The following GALNTL6 variants were observed in gnomAD, a reference collection of about 807,000 sequenced individuals.
GALNTL6 encodes the protein polypeptide N-acetylgalactosaminyltransferase-like 6.
In GALNTL6, 46 loss-of-function variants were observed where a neutral mutation model predicts 73.7. The ratio of observed to expected loss-of-function variants is 0.62; its 90% CI spans 0.49 to 0.80. The LOEUF (loss-of-function observed/expected upper bound fraction) is 0.80, where lower values mean the gene tolerates loss of function less well. Among genes scored for constraint, GALNTL6 ranks in the 30% least tolerant of loss-of-function variants. The pLI, the probability that GALNTL6 is intolerant of heterozygous loss-of-function variation, is 0.00. For missense variants in GALNTL6, 604 were observed against 755.0 expected, an observed-to-expected ratio of 0.80 and a Z score of 2.34; for synonymous variants, 259 against 263.7, an observed-to-expected ratio of 0.98 and a Z score of 0.17.
intron 5 of GALNTL6, among the ~76,000 whole-genome samples, chr4:172,519,499 T>A (rs1734709149): frequency 6.6e-6 from 1 of 150,714 alleles, no homozygotes; most frequent in South Asian, 2.1e-4. Flanking sequence ...CTTTTTCTCT[T>A]TCCTTCTTTC....
intron 10 of GALNTL6, among the ~76,000 whole-genome samples, chr4:172,973,756 T>C (rs1750683080): frequency 6.6e-6 from 1 of 152,240 alleles, no homozygotes; most frequent in East Asian, 1.9e-4. Flanking sequence ...GTTTTTTCTC[T>C]CTTCCTCTCT....
chr4:172,838,315 G>A (rs1433298902), intron 7 of GALNTL6, among the ~76,000 whole-genome samples: 1 of 152,186 alleles, frequency 6.6e-6, no homozygotes, highest in Non-Finnish European at 1.5e-5. Context: ...AGCGGTGAGG[G>A]TGGAGTCAAG....
At chr4:172,562,483 A>T (rs892691819) in intron 5 of GALNTL6, among the ~76,000 whole-genome samples, 1 of 152,214 alleles carries the variant, frequency 6.6e-6, no homozygotes, top group Non-Finnish European at 1.5e-5. Flanking sequence ...TCCATGCACA[A>T]GGGCCAGCTT....
chr4:172,122,218 C>G (rs1024917459), intron 2 of GALNTL6, among the ~76,000 whole-genome samples: 1 of 151,632 alleles, frequency 6.6e-6, no homozygotes, highest in Non-Finnish European at 1.5e-5. Context: ...TCTCATAGCT[C>G]AGGTTCAGTC....
At chr4:172,041,033 G>T (rs1471247930) in intron 2 of GALNTL6, among the ~76,000 whole-genome samples, 1 of 151,894 alleles carries the variant, frequency 6.6e-6, no homozygotes, top group Non-Finnish European at 1.5e-5. Context: ...GTTCACAATG[G>T]CATTATTAAA....
chr4:172,892,566 T>C (rs1746090633), intron 8 of GALNTL6, among the ~76,000 whole-genome samples: 2 of 152,146 alleles, frequency 1.3e-5, no homozygotes, highest in Middle Eastern at 3.4e-3. Flanking sequence ...AAGCTCCTCT[T>C]GGAGCTTACT....
At chr4:172,839,156 C>T (rs1490550032) in intron 7 of GALNTL6, among the ~76,000 whole-genome samples, 2 of 152,170 alleles carry the variant, frequency 1.3e-5, no homozygotes, top group Non-Finnish European at 2.9e-5. Flanking sequence ...GTCTGCAACC[C>T]ACACCCTTTG....
intron 2 of GALNTL6, among the ~76,000 whole-genome samples, chr4:171,918,144 C>T (rs547374008): frequency 2.0e-5 from 3 of 152,134 alleles, no homozygotes; most frequent in East Asian, 3.9e-4. Context: ...AATTCTCAGA[C>T]AATAGTCTTG....
chr4:172,173,103 G>A (rs1033822392), intron 2 of GALNTL6, among the ~76,000 whole-genome samples: 2 of 152,150 alleles, frequency 1.3e-5, no homozygotes, highest in African/African-American at 4.8e-5. Flanking sequence ...TTCTCTGTAA[G>A]ACACTATTCT....
At position 171,961,127 on chromosome 4, in the gene GALNTL6, G is replaced by A. The variant is rs76662881; in HGVS notation, c.138+146409G>A. Among the ~76,000 whole-genome samples, 1,212 of 152,216 alleles carry A rather than the reference G, an allele frequency of 8.0e-3. 20 individuals carry two copies. Among genetic ancestry groups the A allele is most frequent in the East Asian group, 0.06 (310 of 5,176 alleles). On this transcript the variant is annotated intron_variant, in intron 2 of 12. Coordinates refer to ENST00000506823, the MANE Select transcript of GALNTL6 (RefSeq NM_001034845.3). The stretch of plus-strand genomic sequence containing the variant: ...GGATACCCCTGGCACAAAGGAAAAA[G>A]ATGGTAGCACCAATTCTCCAATTGT...
At chr4:171,848,600 T>G (rs531593363) in intron 2 of GALNTL6, among the ~76,000 whole-genome samples, 1 of 152,348 alleles carries the variant, frequency 6.6e-6, no homozygotes, top group African/African-American at 2.4e-5. Context: ...TCTAGATAAC[T>G]TGCTGCAGCT....
intron 5 of GALNTL6, among the ~76,000 whole-genome samples, chr4:172,622,086 G>GT (rs1227899717): frequency 1.3e-5 from 2 of 152,062 alleles, no homozygotes; most frequent in Admixed American, 1.3e-4. Context: ...TCAATGGAAA[G>GT]TTTTTTGTTT....
At chr4:172,863,294 G>T (rs1450915034) in intron 7 of GALNTL6, among the ~76,000 whole-genome samples, 1 of 152,154 alleles carries the variant, frequency 6.6e-6, no homozygotes, top group Non-Finnish European at 1.5e-5. Flanking sequence ...CCCCAGAATG[G>T]TAGATCCACT....
chr4:172,336,111 T>C (rs1055029702), intron 4 of GALNTL6, among the ~76,000 whole-genome samples: 1 of 152,124 alleles, frequency 6.6e-6, no homozygotes, highest in African/African-American at 2.4e-5. Context: ...TTAACACTGA[T>C]TTTGCTGCAT....
intron 3 of GALNTL6, among the ~76,000 whole-genome samples, chr4:172,294,506 T>A (rs1396709781): frequency 6.6e-6 from 1 of 152,128 alleles, no homozygotes; most frequent in Admixed American, 6.6e-5. Context: ...GGCAGGGGTA[T>A]CACTTTGTGA....
At chr4:172,701,322 A>G (rs1157683580) in intron 5 of GALNTL6, among the ~76,000 whole-genome samples, 2 of 152,128 alleles carry the variant, frequency 1.3e-5, no homozygotes, top group Non-Finnish European at 2.9e-5. Context: ...AGAAGTTGCT[A>G]TAATTATTGG....
intron 5 of GALNTL6, among the ~76,000 whole-genome samples, chr4:172,675,597 A>C (rs1283790436): frequency 1.3e-5 from 2 of 152,212 alleles, no homozygotes; most frequent in Non-Finnish European, 2.9e-5. Context: ...TTAATAGACC[A>C]TGCAATTAAA....
intron 5 of GALNTL6, among the ~76,000 whole-genome samples, chr4:172,533,948 T>G (rs7686403): frequency 0.21 from 31,937 of 152,144 alleles, 3,679 homozygotes; most frequent in African/African-American, 0.29. Context: ...TCTTAATTTG[T>G]GTTCTTCCAG....
At chr4:172,191,398 G>A (rs562207716) in intron 2 of GALNTL6, among the ~76,000 whole-genome samples, 3 of 152,204 alleles carry the variant, frequency 2.0e-5, no homozygotes, top group African/African-American at 7.2e-5. Flanking sequence ...AAACTGTTCT[G>A]CAAATGGTAG....
Sources: gnomAD v4.1 joint callset for allele counts (sites outside exome capture counted in the v4.1 genomes callset) on GRCh38, gnomAD v4.1.1 for gene constraint, MANE v1.5 for transcripts, NCBI Gene and HGNC (gene_info 2026-07-23, HGNC 2026-07-21) for gene names.